Variants in IL1R2 observed in about 807,000 individuals in gnomAD.
The protein encoded by IL1R2 is interleukin 1 receptor type 2.
Under a neutral mutation model 39.5 loss-of-function variants are expected in IL1R2, and 46 were observed. The ratio of observed to expected loss-of-function variants is 1.16; its 90% CI spans 0.92 to 1.49. The LOEUF is 1.49. Ranked by LOEUF, IL1R2 falls within the 40% of genes most tolerant of loss-of-function variation. IL1R2 has a pLI of 0.00. For synonymous variants in IL1R2, 207 were observed against 189.6 expected (o/e 1.09, Z -0.75); for missense variants, 537 against 502.0 (o/e 1.07, Z -0.67).
chr2:102,001,507 T>TG (rs1297523101), intron 1 of IL1R2, among the ~76,000 whole-genome samples: 4 of 152,222 alleles, frequency 2.6e-5, no homozygotes, highest in Non-Finnish European at 5.9e-5. Context: ...GACACAGCTA[T>TG]GCAGACCAGG....
At chr2:102,004,562 C>A (rs1467593061) in intron 1 of IL1R2, among the ~76,000 whole-genome samples, 1 of 150,052 alleles carries the variant, frequency 6.7e-6, no homozygotes, top group Non-Finnish European at 1.5e-5. Flanking sequence ...AAATTTCTTT[C>A]TTCCAGTAAG....
intron 5 of IL1R2, 51 bp from the exon 6 acceptor site, chr2:102,022,136 G>A (rs748314810): frequency 9.6e-6 from 14 of 1,462,256 alleles, no homozygotes; most frequent in Admixed American, 1.7e-5. Flanking sequence ...GAACCACAGC[G>A]TCAAATGAAG....
intron 1 of IL1R2, among the ~76,000 whole-genome samples, chr2:102,006,351 T>C (rs909891759): frequency 2.0e-5 from 3 of 152,154 alleles, no homozygotes; most frequent in African/African-American, 7.2e-5. Context: ...AGAATAGTAT[T>C]GTGTAGAAAC....
intron 3 of IL1R2, among the ~76,000 whole-genome samples, chr2:102,013,398 T>C (rs1053957672): frequency 1.3e-4 from 19 of 151,688 alleles, no homozygotes; most frequent in African/African-American, 4.1e-4. Context: ...CCTTGTGATC[T>C]AGAACCACGT....
intron 4 of IL1R2, chr2:102,016,612 G>A (rs951069857): frequency 6.6e-6 from 1 of 152,618 alleles, no homozygotes; most frequent in African/African-American, 2.4e-5. Context: ...CTACCATCTA[G>A]GCCTGTGCGA....
At chr2:102,027,733 A>G (rs1455549556) in intron 8 of IL1R2, among the ~76,000 whole-genome samples, 1 of 152,172 alleles carries the variant, frequency 6.6e-6, no homozygotes, top group Non-Finnish European at 1.5e-5. Flanking sequence ...CTGTATTTCC[A>G]TAACACAGAG....
intron 5 of IL1R2, among the ~76,000 whole-genome samples, chr2:102,021,112 G>A (rs752553125): frequency 2.6e-5 from 4 of 152,118 alleles, no homozygotes; most frequent in Non-Finnish European, 4.4e-5. Flanking sequence ...GCGTCTGGCC[G>A]TGGTCGAAAA....
chr2:102,018,409 C>T (rs1230383139), intron 4 of IL1R2, among the ~76,000 whole-genome samples: 1 of 152,166 alleles, frequency 6.6e-6, no homozygotes, highest in African/African-American at 2.4e-5. Flanking sequence ...GAACCTGTTT[C>T]CTCTGTAAAG....
rs965122666 is a variant in IL1R2 at position 102,015,968 on chromosome 2, T to G, written c.430T>G (p.Leu144Val). Residue 144 changes from leucine to valine, a missense_variant, in exon 4 of 9, where the codon TTG becomes GTG. By Grantham distance (32) the Leu-to-Val change is conservative. Transcript: ENST00000332549. The stretch of plus-strand genomic sequence containing the variant: ...CATCTCATACCCGCAAATTTTAACC[T>G]TGTCAACCTCTGGGGTATTAGTATG... ...PFISYPQILT[L>V]STSGVLVCPD... 3.1e-6 allele frequency: 5 copies of G among 1,613,808 alleles called. No homozygotes were observed. Among genetic ancestry groups the G allele is most frequent in the Non-Finnish European group, 4.2e-6 (5 of 1,179,658 alleles).
At chr2:102,004,369 C>G (rs956078536) in intron 1 of IL1R2, among the ~76,000 whole-genome samples, 1 of 151,936 alleles carries the variant, frequency 6.6e-6, no homozygotes, top group African/African-American at 2.4e-5. Flanking sequence ...TTTCTACCTT[C>G]CAGCATTCTT....
chr2:102,018,711 G>T (rs952747378), intron 4 of IL1R2, among the ~76,000 whole-genome samples: 1 of 152,156 alleles, frequency 6.6e-6, no homozygotes, highest in Non-Finnish European at 1.5e-5. Flanking sequence ...ATGTTCCCAA[G>T]ATCACACAGC....
Position 102,024,678 on chromosome 2 carries a change from C to T in IL1R2, c.887+10C>T. 6.2e-7 allele frequency: 1 copy of T among 1,614,024 alleles called. No homozygotes were observed. The highest frequency in any genetic ancestry group is 8.5e-7 in the Non-Finnish European group (1 of 1,179,964). On this transcript the variant is annotated intron_variant, in intron 7 of 8. Transcript: ENST00000332549. ...CCGAGGGGCCACGCCAGTAAGTGGGCCAGGGTCTTCTGTTGAGAACTCTGT... is the reference window on the plus strand; with the variant it reads ...CCGAGGGGCCACGCCAGTAAGTGGGTCAGGGTCTTCTGTTGAGAACTCTGT...
chr2:102,002,402 G>GTGTCTA (rs1049160775), intron 1 of IL1R2, among the ~76,000 whole-genome samples: 11 of 146,294 alleles, frequency 7.5e-5, no homozygotes, highest in Admixed American at 2.0e-4. Flanking sequence ...GTCTGTGTCT[G>GTGTCTA]TGTCTATGTC....
chr2:102,009,853 A>G lies in IL1R2; in HGVS notation c.332+27A>G, dbSNP rs770724992. On this transcript the variant is annotated intron_variant, in intron 3 of 8. Coordinates refer to ENST00000332549, the MANE Select transcript of IL1R2 (RefSeq NM_004633.4). The stretch of plus-strand genomic sequence containing the variant: ...TAAGTCTCCCTGTGCGGGGCTGGGG[A>G]GGGGATCCTGGCAGGATGGAGGCTT... The G allele has an allele frequency of 2.5e-6, 4 of 1,608,964 alleles. No individual in the cohort carries two copies. The Admixed American group carries it at 6.7e-5, about 27-fold the overall frequency.
At chr2:102,020,343 T>C (rs1677299420) in intron 5 of IL1R2, among the ~76,000 whole-genome samples, 1 of 152,210 alleles carries the variant, frequency 6.6e-6, no homozygotes. Flanking sequence ...GGAGTTTCGT[T>C]TGAAAATGCT....
chr2:101,999,819 T>C (rs1675760828), intron 1 of IL1R2, among the ~76,000 whole-genome samples: 1 of 152,196 alleles, frequency 6.6e-6, no homozygotes, highest in African/African-American at 2.4e-5. Context: ...GATGTATACG[T>C]GTGTATGCAT....
At chr2:102,000,730 A>G (rs1675813834) in intron 1 of IL1R2, among the ~76,000 whole-genome samples, 1 of 152,132 alleles carries the variant, frequency 6.6e-6, no homozygotes. Flanking sequence ...AAAACCAAGG[A>G]TTGTGTAGGC....
chr2:102,013,524 CAAAAAAAAAAAAAA>C (rs771727938), intron 3 of IL1R2, among the ~76,000 whole-genome samples: 2 of 5,688 alleles, frequency 3.5e-4, no homozygotes, highest in Admixed American at 5.5e-3. Context: ...TCTATCACTG[CAAAAAAAAAAAAAA>C]AAAAAAAAAA....
Position 102,024,669 on chromosome 2 carries a change from G to A in IL1R2, c.887+1G>A. 1.9e-6 allele frequency: 3 copies of A among 1,614,190 alleles called. No individual in the cohort carries two copies. The highest frequency in any genetic ancestry group is 2.2e-5 in the South Asian group (2 of 91,088). The stretch of plus-strand genomic sequence containing the variant: ...GCCGCGTGACCGAGGGGCCACGCCA[G>A]TAAGTGGGCCAGGGTCTTCTGTTGA... On this transcript the variant is annotated splice_donor_variant, in intron 7 of 8. Transcript: ENST00000332549. LOFTEE classifies it high-confidence loss of function.
Sources: gnomAD v4.1 joint callset for allele counts (sites outside exome capture counted in the v4.1 genomes callset) on GRCh38, gnomAD v4.1.1 for gene constraint, MANE v1.5 for transcripts, NCBI Gene and HGNC (gene_info 2026-07-23, HGNC 2026-07-21) for gene names.